ABHD17C: variants seen among roughly 807,000 people sequenced by gnomAD.
ABHD17C encodes the protein alpha/beta hydrolase domain-containing protein 17C.
A neutral mutation model predicts 27.9 loss-of-function variants in ABHD17C; 11 were observed. That is an observed-to-expected ratio of 0.39 (90% CI 0.25 to 0.65). The LOEUF is 0.65. ABHD17C is among the 30% of genes least tolerant of loss of function. ABHD17C has a pLI of 0.45. For synonymous variants in ABHD17C, 233 were observed against 209.1 expected, an observed-to-expected ratio of 1.11 and a Z score of -0.98; for missense variants, 280 against 470.2, an observed-to-expected ratio of 0.60 and a Z score of 3.74.
chr15:80,725,683 T>C (rs1008278969), intron 1 of ABHD17C, among the ~76,000 whole-genome samples: 6 of 152,024 alleles, frequency 3.9e-5, no homozygotes, highest in African/African-American at 1.4e-4. Flanking sequence ...TAGCTAATTT[T>C]TATTTATTTA....
At chr15:80,730,599 C>G (rs1421222615) in intron 1 of ABHD17C, among the ~76,000 whole-genome samples, 2 of 152,128 alleles carry the variant, frequency 1.3e-5, no homozygotes, top group African/African-American at 4.8e-5. Context: ...GTATGTTCTG[C>G]CAAAGAAAAG....
chr15:80,713,808 C>CA (rs949688714), intron 1 of ABHD17C, among the ~76,000 whole-genome samples: 6 of 149,452 alleles, frequency 4.0e-5, no homozygotes, highest in African/African-American at 9.9e-5. Flanking sequence ...GATTCCGTCT[C>CA]AAAAAAAAGC....
chr15:80,747,651 C>T (rs1028231885), intron 1 of ABHD17C, among the ~76,000 whole-genome samples: 14 of 152,168 alleles, frequency 9.2e-5, no homozygotes, highest in Non-Finnish European at 1.5e-4. Context: ...CCTGTTACGC[C>T]AACGGGAATG....
chr15:80,731,130 G>C (rs1231363788), intron 1 of ABHD17C, among the ~76,000 whole-genome samples: 1 of 152,126 alleles, frequency 6.6e-6, no homozygotes, highest in Non-Finnish European at 1.5e-5. Flanking sequence ...GATCTGGCAC[G>C]CAGAACCCCA....
rs995618695 is a variant in ABHD17C at position 80,698,128 on chromosome 15, C to G, written c.590+2109C>G. On this transcript the variant is annotated intron_variant, in intron 1 of 2. Coordinates refer to ENST00000258884, the MANE Select transcript of ABHD17C (RefSeq NM_021214.2). ...CGCCCAGGCTGGAGTGCAGTGGCGCCATCTTGGCTCACTGTAAGCTCCACC... is the reference window on the plus strand; with the variant it reads ...CGCCCAGGCTGGAGTGCAGTGGCGCGATCTTGGCTCACTGTAAGCTCCACC... Among the ~76,000 whole-genome samples the G allele has an allele frequency of 3.4e-5, 5 of 145,574 alleles. No homozygotes were observed. The Admixed American group carries it at 3.5e-4, about 10-fold the overall frequency.
chr15:80,736,023 C>G (rs1276766509), intron 1 of ABHD17C, among the ~76,000 whole-genome samples: 1 of 152,066 alleles, frequency 6.6e-6, no homozygotes, highest in Non-Finnish European at 1.5e-5. Context: ...TTAGAAACTT[C>G]CAGGGGTTAT....
At chr15:80,713,817 G>A (rs114257489) in intron 1 of ABHD17C, among the ~76,000 whole-genome samples, 4,405 of 148,804 alleles carry the variant, frequency 0.03, 155 homozygotes, top group African/African-American at 0.08. Flanking sequence ...TCAAAAAAAA[G>A]CAACAAAAAA....
chr15:80,721,202 T>C (rs1894892870), intron 1 of ABHD17C, among the ~76,000 whole-genome samples: 1 of 128,818 alleles, frequency 7.8e-6, no homozygotes, highest in South Asian at 2.8e-4. Flanking sequence ...TGTTTACCCA[T>C]CATTTTTTGT....
At chr15:80,716,747 T>TG (rs1199697013) in intron 1 of ABHD17C, among the ~76,000 whole-genome samples, 1 of 152,248 alleles carries the variant, frequency 6.6e-6, no homozygotes, top group African/African-American at 2.4e-5. Flanking sequence ...CAATAAATCC[T>TG]GGGTGAAGTA....
chr15:80,732,706 A>G (rs1369292442), intron 1 of ABHD17C, among the ~76,000 whole-genome samples: 13 of 152,204 alleles, frequency 8.5e-5, no homozygotes, highest in Admixed American at 7.9e-4. Context: ...GGAGGGGCCA[A>G]AGGGCTGCTT....
chr15:80,724,231 G>T (rs1894940315), intron 1 of ABHD17C, among the ~76,000 whole-genome samples: 1 of 151,998 alleles, frequency 6.6e-6, no homozygotes, highest in African/African-American at 2.4e-5. Context: ...AATCCCAGAA[G>T]GTGGGAGGAT....
chr15:80,753,767 T>C (rs1485945530), intron 2 of ABHD17C, among the ~76,000 whole-genome samples: 1 of 152,084 alleles, frequency 6.6e-6, no homozygotes, highest in Non-Finnish European at 1.5e-5. Flanking sequence ...TATTCTAAAA[T>C]GCAAAGTTGA....
intron 1 of ABHD17C, 37 bp from the exon 2 acceptor site, chr15:80,749,476 A>T: frequency 1.2e-6 from 2 of 1,601,552 alleles, no homozygotes; most frequent in South Asian, 2.2e-5. Context: ...CTTTCTTCAT[A>T]CCTTAGCTAA....
At chr15:80,703,442 A>G (rs978463522) in intron 1 of ABHD17C, 3 of 152,236 alleles carry the variant, frequency 2.0e-5, no homozygotes, top group African/African-American at 7.2e-5. Flanking sequence ...TTGTGATCCA[A>G]CTGTATGGCT....
At position 80,713,930 on chromosome 15, in the gene ABHD17C, A is replaced by ACACAC. The variant is rs1432338155; in HGVS notation, c.590+17912_590+17916dup. Among the ~76,000 whole-genome samples, 3 of 150,436 alleles carry ACACAC rather than the reference A, an allele frequency of 2.0e-5. No individual in the cohort carries two copies. The East Asian group carries it at 5.8e-4, about 29-fold the overall frequency. ...CACACACACACACACACACACACAC[A>ACACAC]CACACACACATATATTTATTTATTT... On this transcript the variant is annotated intron_variant, in intron 1 of 2. Coordinates refer to ENST00000258884, the MANE Select transcript of ABHD17C (RefSeq NM_021214.2).
chr15:80,727,357 T>C (rs1490982196), intron 1 of ABHD17C, among the ~76,000 whole-genome samples: 3 of 152,106 alleles, frequency 2.0e-5, no homozygotes, highest in Non-Finnish European at 2.9e-5. Flanking sequence ...AACTATCTGG[T>C]TGTTTGGCAG....
At chr15:80,744,288 A>G (rs180945655) in intron 1 of ABHD17C, among the ~76,000 whole-genome samples, 68 of 152,220 alleles carry the variant, frequency 4.5e-4, no homozygotes, top group Admixed American at 1.4e-3. Flanking sequence ...CATAATAATA[A>G]TTTCCCAAGT....
rs759235020 is a variant in ABHD17C, at chr15:80,754,409, A to T, written c.*39A>T. The T allele has an allele frequency of 6.5e-7, 1 of 1,550,274 alleles. No homozygotes were observed. Among genetic ancestry groups the T allele is most frequent in the Admixed American group, 1.8e-5 (1 of 55,240 alleles). On this transcript the variant is annotated 3_prime_UTR_variant, in exon 3 of 3. Transcript: ENST00000258884. Reference sequence around the variant, plus strand: ...ATCTTACCTCATTTACTGTGAACAGAAGAGTCCTCTGTTTTGCACATGCTT... The same window carrying T: ...ATCTTACCTCATTTACTGTGAACAGTAGAGTCCTCTGTTTTGCACATGCTT...
chr15:80,727,700 G>C (rs889733497), intron 1 of ABHD17C, among the ~76,000 whole-genome samples: 2 of 152,070 alleles, frequency 1.3e-5, no homozygotes, highest in Middle Eastern at 3.4e-3. Flanking sequence ...AAGGTTGAGG[G>C]GGCCAATGAC....
Sources: allele counts gnomAD v4.1 joint callset (sites outside exome capture counted in the v4.1 genomes callset), GRCh38; gene constraint gnomAD v4.1.1; transcripts MANE v1.5; gene names NCBI Gene and HGNC (gene_info 2026-07-23, HGNC 2026-07-21).